The following PLB1 variants were observed in gnomAD, a reference collection of about 807,000 sequenced individuals.
The protein encoded by PLB1 is phospholipase B1.
A neutral mutation model predicts 227.4 loss-of-function variants in PLB1; 242 were observed. The ratio of observed to expected loss-of-function variants is 1.06; its 90% CI spans 0.96 to 1.18. The LOEUF (loss-of-function observed/expected upper bound fraction) is 1.18, where lower values mean the gene tolerates loss of function less well. PLB1 is among the 50% of genes most tolerant of loss of function. The probability of loss-of-function intolerance (pLI) is 0.00; values close to 1 mark genes in which losing one functional copy is unlikely to be tolerated. For synonymous variants in PLB1, 757 were observed against 682.2 expected, an observed-to-expected ratio of 1.11 and a Z score of -1.71; for missense variants, 1,858 against 1,816.3, an observed-to-expected ratio of 1.02 and a Z score of -0.42.
chr2:28,589,993 T>C lies in PLB1; in HGVS notation c.2017-12T>C. The C allele has an allele frequency of 6.2e-7, 1 of 1,612,090 alleles. No homozygotes were observed. Among genetic ancestry groups the C allele is most frequent in the Non-Finnish European group, 8.5e-7 (1 of 1,178,190 alleles). On this transcript the variant is annotated splice_polypyrimidine_tract_variant and intron_variant, in intron 28 of 57. Transcript: ENST00000327757. ...TCTTCCTCACTCCCCATCTCCCTGC[T>C]TCTTTGTTTAGCTGGAGCCTGTTGG...
chr2:28,640,521 T>C (rs901350571), intron 56 of PLB1, among the ~76,000 whole-genome samples: 6 of 152,132 alleles, frequency 3.9e-5, no homozygotes, highest in African/African-American at 9.7e-5. Context: ...CTTTGAGAAG[T>C]TGGTAAATAG....
chr2:28,582,628 T>G (rs929834033), intron 25 of PLB1, 123 bp downstream of exon 25: 5 of 730,520 alleles, frequency 6.8e-6, no homozygotes, highest in South Asian at 5.5e-5. Flanking sequence ...CCACCCCATC[T>G]TCTAACCTGG....
At chr2:28,625,880 T>C (rs1573525806) in intron 50 of PLB1, among the ~76,000 whole-genome samples, 1 of 150,634 alleles carries the variant, frequency 6.6e-6, no homozygotes, top group East Asian at 1.9e-4. Context: ...CCCTCCCTTG[T>C]GTAAGCAGAA....
Position 28,642,757 on chromosome 2 carries a change from G to A in PLB1, c.4174-101G>A, listed in dbSNP as rs917802122. ...AGGGAAGCTCTGTGAAAACGTGCAG[G>A]GTTATCGCAGCATCTCAGGAATGGG... On this transcript the variant is annotated intron_variant, in intron 57 of 57. Coordinates refer to ENST00000327757, the MANE Select transcript of PLB1 (RefSeq NM_153021.5). The A allele has an allele frequency of 8.8e-6, 9 of 1,027,338 alleles. No homozygotes were observed. The African/African-American group carries it at 1.4e-4, about 17-fold the overall frequency. The allele number at this position is 1,027,338 out of a possible 1,614,324, so 63.6% of individuals were successfully genotyped here.
intron 14 of PLB1, among the ~76,000 whole-genome samples, chr2:28,546,539 T>G (rs1248705239): frequency 6.6e-6 from 1 of 152,122 alleles, no homozygotes; most frequent in Non-Finnish European, 1.5e-5. Flanking sequence ...CGGTTGTCCC[T>G]GGAGTAAATA....
chr2:28,548,554 C>T, intron 14 of PLB1: 1 of 497,974 alleles, frequency 2.0e-6, no homozygotes, highest in South Asian at 1.5e-5. Context: ...GCAGCTTTTC[C>T]TTCTAGGAGA....
At chr2:28,585,570 C>T in intron 25 of PLB1, 191 bp from the exon 26 acceptor site, 1 of 558,416 alleles carries the variant, frequency 1.8e-6, no homozygotes, top group South Asian at 2.1e-5. Flanking sequence ...AGCCACCGCG[C>T]CTGGCCTGGA....
At chr2:28,607,945 G>T (rs1430488176) in intron 43 of PLB1, among the ~76,000 whole-genome samples, 3 of 152,102 alleles carry the variant, frequency 2.0e-5, no homozygotes, top group Non-Finnish European at 4.4e-5. Flanking sequence ...TACTGAGTTG[G>T]AGCCTAAGCA....
chr2:28,532,095 C>G lies in PLB1; in HGVS notation c.469-13C>G, dbSNP rs767855702. 1.3e-6 allele frequency: 2 copies of G among 1,598,484 alleles called. No individual in the cohort carries two copies. The highest frequency in any genetic ancestry group is 1.7e-6 in the Non-Finnish European group (2 of 1,168,012). On this transcript the variant is annotated splice_polypyrimidine_tract_variant and intron_variant, in intron 8 of 57. Coordinates refer to ENST00000327757, the MANE Select transcript of PLB1 (RefSeq NM_153021.5). ...ACACAATCTCCTTTTCATGCTGTTG[C>G]CCTTTTATTCAGCAACTTGACTTTC...
At chr2:28,602,683 CCT>C in intron 38 of PLB1, 136 bp from the exon 39 acceptor site, 1 of 742,212 alleles carries the variant, frequency 1.3e-6, no homozygotes, top group South Asian at 1.7e-5. Flanking sequence ...ACGAGGTAGC[CCT>C]GTATAGACTC....
chr2:28,511,556 G>A (rs1668260559), intron 1 of PLB1, among the ~76,000 whole-genome samples: 1 of 152,116 alleles, frequency 6.6e-6, no homozygotes, highest in South Asian at 2.1e-4. Flanking sequence ...CTGTTGAGAA[G>A]TCAGGCTGAT....
Position 28,565,272 on chromosome 2 carries a change from CCT to C in PLB1, c.1207-4_1207-3del. On this transcript the variant is annotated splice_polypyrimidine_tract_variant and splice_region_variant and intron_variant, in intron 18 of 57. Transcript: ENST00000327757. ...AGAGAAACTCACCCCCTCATTGTTC[CCT>C]CTCAGGCAGGCAATGGGGCCGGGTC... is the stretch of plus-strand genomic sequence containing the variant. The C allele has an allele frequency of 1.2e-6, 2 of 1,609,666 alleles. No individual in the cohort carries two copies. Among genetic ancestry groups the C allele is most frequent in the Non-Finnish European group, 1.7e-6 (2 of 1,178,112 alleles).
At position 28,611,426 on chromosome 2, in the gene PLB1, G is replaced by A. The variant is rs187439532; in HGVS notation, c.3130-2605G>A. ...TAAGCTGAGTCTGGGCTCCTTTGAC[G>A]TGCAGGGAGAATGCCACTGAGTCTT... is the stretch of plus-strand genomic sequence containing the variant. On this transcript the variant is annotated intron_variant, in intron 43 of 57. Transcript: ENST00000327757. Among the ~76,000 whole-genome samples, 31 of 152,252 alleles carry A rather than the reference G, an allele frequency of 2.0e-4. 1 individual carries two copies. In the East Asian group the frequency reaches 5.2e-3, roughly 26 times the overall value.
At chr2:28,572,890 T>C (rs187690351) in intron 20 of PLB1, among the ~76,000 whole-genome samples, 1 of 152,334 alleles carries the variant, frequency 6.6e-6, no homozygotes, top group Admixed American at 6.5e-5. Context: ...AATTGGTAAA[T>C]TTTATGGTAA....
intron 6 of PLB1, 70 bp from the exon 7 acceptor site, chr2:28,529,247 A>T: frequency 1.9e-6 from 2 of 1,037,956 alleles, no homozygotes; most frequent in Non-Finnish European, 3.0e-6. Flanking sequence ...TCCTGGCAGT[A>T]GGTAGGTCAG....
At chr2:28,636,799 G>A (rs972807761) in intron 56 of PLB1, among the ~76,000 whole-genome samples, 2 of 152,108 alleles carry the variant, frequency 1.3e-5, no homozygotes, top group Non-Finnish European at 2.9e-5. Context: ...CAAGCAGCTT[G>A]GCATATGGGG....
At chr2:28,595,760 T>C (rs915062593) in intron 33 of PLB1, 9 of 152,030 alleles carry the variant, frequency 5.9e-5, no homozygotes, top group African/African-American at 2.2e-4. Flanking sequence ...CAGAATGCAA[T>C]TTGAGCCTCT....
intron 41 of PLB1, 36 bp from the exon 42 acceptor site, chr2:28,605,817 A>G: frequency 6.5e-7 from 1 of 1,544,676 alleles, no homozygotes; most frequent in South Asian, 1.1e-5. Flanking sequence ...CCTCTGAACC[A>G]ATAGGATCTT....
chr2:28,637,824 T>G (rs754143840), intron 56 of PLB1, among the ~76,000 whole-genome samples: 15 of 152,158 alleles, frequency 9.9e-5, no homozygotes, highest in Non-Finnish European at 1.6e-4. Context: ...GGAAGCTACC[T>G]CTGAATCTCC....
Sources: allele counts gnomAD v4.1 joint callset (sites outside exome capture counted in the v4.1 genomes callset), GRCh38; gene constraint gnomAD v4.1.1; transcripts MANE v1.5; gene names NCBI Gene and HGNC (gene_info 2026-07-23, HGNC 2026-07-21).